CTNNA3: variants seen among roughly 807,000 people sequenced by gnomAD.
CTNNA3 encodes catenin alpha 3, also known as catenin alpha-3.
A neutral mutation model predicts 95.7 loss-of-function variants in CTNNA3; 76 were observed. The observed-to-expected ratio is 0.79, with a 90% CI of 0.66 to 0.96. The LOEUF is 0.96. Among genes scored for constraint, CTNNA3 ranks in the 40% least tolerant of loss-of-function variants. The pLI, the probability that CTNNA3 is intolerant of heterozygous loss-of-function variation, is 0.00. For missense variants in CTNNA3, 1,191 were observed against 1,089.8 expected, an observed-to-expected ratio of 1.09 and a Z score of -1.31; for synonymous variants, 431 against 374.4, an observed-to-expected ratio of 1.15 and a Z score of -1.74.
rs1412110193 is a variant in CTNNA3 at position 66,753,613 on chromosome 10, G to C, written c.1281+12651C>G. ...GGAGGCAGAAGTTTCAGTGAGCCGA[G>C]ATTGCACCATTGCACTCTAGCCTCG... On this transcript the variant is annotated intron_variant, in intron 9 of 17. Transcript: ENST00000433211. Among the ~76,000 whole-genome samples, 81 of 151,304 alleles carry C rather than the reference G, an allele frequency of 5.4e-4. 1 individual carries two copies. Among genetic ancestry groups the C allele is most frequent in the Non-Finnish European group, 2.9e-5 (2 of 67,904 alleles).
intron 16 of CTNNA3, among the ~76,000 whole-genome samples, chr10:65,972,212 G>A (rs527569828): frequency 3.9e-5 from 6 of 152,102 alleles, no homozygotes; most frequent in African/African-American, 1.4e-4. Context: ...ATACTTGAAT[G>A]GACAAAAGCT....
intron 15 of CTNNA3, among the ~76,000 whole-genome samples, chr10:65,989,700 A>G (rs1238348359): frequency 1.3e-5 from 2 of 152,168 alleles, no homozygotes; most frequent in African/African-American, 2.4e-5. Flanking sequence ...TCAGTCAAGT[A>G]TTATTTCTAT....
intron 11 of CTNNA3, among the ~76,000 whole-genome samples, chr10:66,473,748 G>A (rs189265437): frequency 0.039 from 5,960 of 152,016 alleles, 119 homozygotes; most frequent in Middle Eastern, 0.095. Context: ...TCCCATCTAT[G>A]AGTGAGAACA....
intron 1 of CTNNA3, among the ~76,000 whole-genome samples, chr10:67,689,869 C>T (rs956909711): frequency 6.6e-6 from 1 of 152,062 alleles, no homozygotes; most frequent in Admixed American, 6.5e-5. Context: ...AGTATTTACC[C>T]CCAGAATTCT....
chr10:67,659,065 CAT>C (rs1005536748), intron 1 of CTNNA3, among the ~76,000 whole-genome samples: 6 of 151,818 alleles, frequency 4.0e-5, no homozygotes, highest in African/African-American at 1.5e-4. Context: ...CAAAATTAAA[CAT>C]GTTTCCTCAC....
chr10:67,034,457 T>G (rs774984542), intron 7 of CTNNA3, among the ~76,000 whole-genome samples: 6 of 152,224 alleles, frequency 3.9e-5, no homozygotes, highest in Non-Finnish European at 7.3e-5. Context: ...TCACATCTTC[T>G]AGTGTCCAGT....
intron 7 of CTNNA3, among the ~76,000 whole-genome samples, chr10:66,820,095 TTTAA>T (rs1842249921): frequency 6.6e-6 from 1 of 151,780 alleles, no homozygotes; most frequent in Non-Finnish European, 1.5e-5. Flanking sequence ...CCCAAATGTC[TTTAA>T]TTGATGAGTG....
intron 7 of CTNNA3, among the ~76,000 whole-genome samples, chr10:66,783,767 G>A (rs1401388055): frequency 6.6e-6 from 1 of 152,010 alleles, no homozygotes; most frequent in African/African-American, 2.4e-5. Context: ...ACCATTTTCT[G>A]GCAATTTTTC....
intron 9 of CTNNA3, among the ~76,000 whole-genome samples, chr10:66,737,879 G>C (rs1381372846): frequency 1.3e-5 from 2 of 152,004 alleles, no homozygotes; most frequent in Non-Finnish European, 2.9e-5. Context: ...GGATAGTCTC[G>C]ATCTCGTGAC....
intron 15 of CTNNA3, among the ~76,000 whole-genome samples, chr10:66,034,425 G>A (rs2079518627): frequency 6.6e-6 from 1 of 152,022 alleles, no homozygotes; most frequent in Non-Finnish European, 1.5e-5. Context: ...TTGAATTTCT[G>A]GAGCTTCTGA....
At chr10:66,814,113 C>A (rs1841985680) in intron 7 of CTNNA3, among the ~76,000 whole-genome samples, 1 of 151,832 alleles carries the variant, frequency 6.6e-6, no homozygotes, top group Non-Finnish European at 1.5e-5. Flanking sequence ...GATGATGGTG[C>A]CATTGAGGCA....
At chr10:67,602,644 A>G (rs1319255212) in intron 3 of CTNNA3, among the ~76,000 whole-genome samples, 2 of 152,234 alleles carry the variant, frequency 1.3e-5, no homozygotes, top group African/African-American at 4.8e-5. Context: ...TTAAAATAAC[A>G]TCTTTTTTTT....
chr10:67,493,898 T>C (rs1355818552), intron 5 of CTNNA3, among the ~76,000 whole-genome samples: 1 of 152,156 alleles, frequency 6.6e-6, no homozygotes, highest in African/African-American at 2.4e-5. Context: ...AGCATCGTCA[T>C]GTCGTTTGGA....
rs34671813 is a variant in CTNNA3, at chr10:66,021,852, C to CTTTTTTTT, written c.2160-33063_2160-33056dup. ...GGAAATTCCATATACAGGATCTTGG[C>CTTTTTTTT]TTTTTTTTTTTTTTTTAGATAGATA... On this transcript the variant is annotated intron_variant, in intron 15 of 17. Transcript: ENST00000433211. Among the ~76,000 whole-genome samples the CTTTTTTTT allele has an allele frequency of 2.2e-3, 170 of 75,906 alleles. 37 individuals are homozygous for CTTTTTTTT. Among genetic ancestry groups the CTTTTTTTT allele is most frequent in the East Asian group, 0.016 (26 of 1,588 alleles). The allele number at this position is 75,906 out of a possible 152,430, so 49.8% of individuals were successfully genotyped here.
chr10:66,188,068 A>G (rs1021381538), intron 13 of CTNNA3, among the ~76,000 whole-genome samples: 3 of 152,170 alleles, frequency 2.0e-5, no homozygotes, highest in African/African-American at 7.2e-5. Context: ...GAAATTTTGG[A>G]GTTGAGAAAT....
At chr10:67,222,961 TG>T (rs1446114046) in intron 5 of CTNNA3, among the ~76,000 whole-genome samples, 2 of 152,232 alleles carry the variant, frequency 1.3e-5, no homozygotes, top group Admixed American at 1.3e-4. Flanking sequence ...TTTAATGCCA[TG>T]GGGACTTTGA....
chr10:66,741,114 A>G (rs1849312053), intron 9 of CTNNA3, among the ~76,000 whole-genome samples: 1 of 152,216 alleles, frequency 6.6e-6, no homozygotes, highest in Non-Finnish European at 1.5e-5. Context: ...TCAAAGATAA[A>G]TTATGATTAG....
At chr10:66,961,667 C>A (rs1013964726) in intron 7 of CTNNA3, among the ~76,000 whole-genome samples, 1 of 152,090 alleles carries the variant, frequency 6.6e-6, no homozygotes. Flanking sequence ...TAGCCTTGAT[C>A]TCTCCCCTGA....
At chr10:67,726,773 ATCATATATAAAT>A (rs2133626430) in intron 1 of CTNNA3, among the ~76,000 whole-genome samples, 2 of 5,280 alleles carry the variant, frequency 3.8e-4, no homozygotes, top group Non-Finnish European at 4.5e-4. Flanking sequence ...TGACACATAT[ATCATATATAAAT>A]ATATATGATA....
Sources: gnomAD v4.1 joint callset for allele counts (sites outside exome capture counted in the v4.1 genomes callset) on GRCh38, gnomAD v4.1.1 for gene constraint, MANE v1.5 for transcripts, NCBI Gene and HGNC (gene_info 2026-07-23, HGNC 2026-07-21) for gene names.